PLPP4: variants seen among roughly 807,000 people sequenced by gnomAD.
PLPP4 encodes diacylglycerol pyrophosphate like 2.
Under a neutral mutation model 32.2 loss-of-function variants are expected in PLPP4, and 20 were observed. That is an observed-to-expected ratio of 0.62 (90% CI 0.44 to 0.90). PLPP4 has a LOEUF of 0.90. Ranked by LOEUF, PLPP4 falls within the 40% of genes least tolerant of loss-of-function variation. The pLI, the probability that PLPP4 is intolerant of heterozygous loss-of-function variation, is 0.00. For synonymous variants in PLPP4, 127 were observed against 133.0 expected (o/e 0.95, Z 0.31); for missense variants, 257 against 353.1 (o/e 0.73, Z 2.18).
chr10:120,517,627 C>T (rs1484863495), intron 3 of PLPP4, among the ~76,000 whole-genome samples: 1 of 152,206 alleles, frequency 6.6e-6, no homozygotes, highest in African/African-American at 2.4e-5. Flanking sequence ...TGGCCAGTTG[C>T]CCCCATCTCA....
At chr10:120,457,067 G>A (rs908510396), upstream of PLPP4, 2 of 197,854 alleles carry the variant, frequency 1.0e-5, no homozygotes, top group Non-Finnish European at 2.0e-5. Context: ...GCACTAGGAG[G>A]CGGGGTCCGC....
At chr10:120,529,691 T>C (rs1437165904) in intron 5 of PLPP4, among the ~76,000 whole-genome samples, 6 of 152,140 alleles carry the variant, frequency 3.9e-5, no homozygotes, top group Non-Finnish European at 8.8e-5. Flanking sequence ...TAGAAAATAT[T>C]TTTTTGGTAT....
intron 5 of PLPP4, among the ~76,000 whole-genome samples, chr10:120,527,489 C>T (rs1021383067): frequency 1.3e-5 from 2 of 152,160 alleles, no homozygotes; most frequent in African/African-American, 4.8e-5. Context: ...TGCAAACGTT[C>T]CTCACTGCTA....
intron 2 of PLPP4, among the ~76,000 whole-genome samples, chr10:120,505,086 A>AT (rs1763008479): frequency 6.6e-6 from 1 of 152,266 alleles, no homozygotes; most frequent in Admixed American, 6.5e-5. Flanking sequence ...TGGTGGTCTA[A>AT]TTTAATTCCA....
At chr10:120,553,620 G>C (rs1016447638) in intron 5 of PLPP4, among the ~76,000 whole-genome samples, 3 of 152,226 alleles carry the variant, frequency 2.0e-5, no homozygotes, top group Non-Finnish European at 4.4e-5. Flanking sequence ...TGATGGCAAA[G>C]TACATATCTT....
chr10:120,570,465 C>T (rs975508940), intron 5 of PLPP4, among the ~76,000 whole-genome samples: 6 of 152,098 alleles, frequency 3.9e-5, no homozygotes, highest in Admixed American at 1.3e-4. Context: ...AAATTATCAG[C>T]TTGTGTGGAA....
chr10:120,480,605 G>A (rs560477069), intron 1 of PLPP4, among the ~76,000 whole-genome samples: 3 of 152,362 alleles, frequency 2.0e-5, no homozygotes, highest in South Asian at 4.1e-4. Context: ...AGAGCTGGCA[G>A]CAGCCACCAA....
In PLPP4 at chr10:120,589,590, A is replaced by ATT. The variant is rs1407983602; in HGVS notation, c.*92_*93dup. ...CAATAGAAATGGTTTTCTGTAGTGT[A>ATT]TTTTTCATCAGTTGTTTCTCAAAGT... On this transcript the variant is annotated 3_prime_UTR_variant, in exon 7 of 7. Coordinates refer to ENST00000398250, the MANE Select transcript of PLPP4 (RefSeq NM_001030059.3). The ATT allele has an allele frequency of 3.9e-6, 4 of 1,019,920 alleles. No individual in the cohort carries two copies. The highest frequency in any genetic ancestry group is 5.7e-6 in the Non-Finnish European group (4 of 701,470). The allele number at this position is 1,019,920 out of a possible 1,614,324, so 63.2% of individuals were successfully genotyped here. A position where few individuals can be genotyped will look rare whatever the true frequency, so the allele number is the denominator to read the frequency against.
At chr10:120,499,839 C>G (rs1429647432) in intron 1 of PLPP4, among the ~76,000 whole-genome samples, 1 of 151,706 alleles carries the variant, frequency 6.6e-6, no homozygotes, top group East Asian at 1.9e-4. Flanking sequence ...TTCTTGGATT[C>G]CAAACCACTT....
intron 2 of PLPP4, among the ~76,000 whole-genome samples, chr10:120,512,482 CA>C (rs1222882735): frequency 2.3e-4 from 35 of 152,294 alleles, no homozygotes; most frequent in African/African-American, 8.4e-4. Flanking sequence ...ATGTCTCATA[CA>C]AATGGCCTCT....
At chr10:120,518,953 A>C in intron 4 of PLPP4, 57 bp downstream of exon 4, 1 of 1,440,910 alleles carries the variant, frequency 6.9e-7, no homozygotes, top group Non-Finnish European at 9.7e-7. Flanking sequence ...TCTATATAGG[A>C]AGCTGGGCCA....
In PLPP4 at chr10:120,535,089, C is replaced by T. The variant is rs79652143; in HGVS notation, c.445+13994C>T. ...GAAATTCTCAGTACTAGTCACCTTG[C>T]ATTCTAAAGCTTATTATTGTCATTT... On this transcript the variant is annotated intron_variant, in intron 5 of 6. Transcript: ENST00000398250. Among the ~76,000 whole-genome samples the T allele has an allele frequency of 8.5e-3, 1,300 of 152,216 alleles. 23 individuals carry two copies. Among genetic ancestry groups the T allele is most frequent in the African/African-American group, 0.03 (1,249 of 41,544 alleles).
intron 5 of PLPP4, among the ~76,000 whole-genome samples, chr10:120,528,458 G>A (rs1846533057): frequency 6.6e-6 from 1 of 152,194 alleles, no homozygotes; most frequent in Non-Finnish European, 1.5e-5. Flanking sequence ...TGGTGGCCAT[G>A]TGTCTGAGGT....
chr10:120,563,102 G>A (rs1389713565), intron 5 of PLPP4, among the ~76,000 whole-genome samples: 1 of 152,180 alleles, frequency 6.6e-6, no homozygotes, highest in East Asian at 1.9e-4. Context: ...AGCCAGGCAT[G>A]TTGGCAGATA....
rs1367791951 is a variant in PLPP4 at position 120,503,752 on chromosome 10, C to G, written c.57-66C>G. On this transcript the variant is annotated intron_variant, in intron 1 of 6. Coordinates refer to ENST00000398250, the MANE Select transcript of PLPP4 (RefSeq NM_001030059.3). ...CCCTGAGGGTGCATAGAAGGGGGGC[C>G]TCCTTGGGAACTTCCCACAGCAACA... is the stretch of plus-strand genomic sequence containing the variant. 5 of 1,589,142 alleles carry G rather than the reference C, an allele frequency of 3.1e-6. No homozygotes were observed. The East Asian group carries it at 9.0e-5, about 29-fold the overall frequency.
At chr10:120,528,028 G>A (rs926238009) in intron 5 of PLPP4, among the ~76,000 whole-genome samples, 4 of 147,882 alleles carry the variant, frequency 2.7e-5, no homozygotes, top group Non-Finnish European at 4.5e-5. Context: ...CTGTCAAGGG[G>A]TTTTGCTGGT....
chr10:120,495,512 C>T (rs1844919757), intron 1 of PLPP4, among the ~76,000 whole-genome samples: 1 of 152,126 alleles, frequency 6.6e-6, no homozygotes, highest in South Asian at 2.1e-4. Context: ...GAGCTTTTCC[C>T]CATTGCCCGA....
intron 5 of PLPP4, among the ~76,000 whole-genome samples, chr10:120,554,664 A>G (rs1371056803): frequency 7.0e-4 from 1 of 1,436 alleles, no homozygotes; most frequent in Non-Finnish European, 0.038. Flanking sequence ...TACAGGGAGC[A>G]TGACGGGGAG....
At chr10:120,493,191 G>T (rs1484536941) in intron 1 of PLPP4, among the ~76,000 whole-genome samples, 1 of 152,118 alleles carries the variant, frequency 6.6e-6, no homozygotes, top group Non-Finnish European at 1.5e-5. Context: ...TTTCATTTTT[G>T]ATTGTTTTGT....
Sources: gnomAD v4.1 joint callset for allele counts (sites outside exome capture counted in the v4.1 genomes callset) on GRCh38, gnomAD v4.1.1 for gene constraint, MANE v1.5 for transcripts, NCBI Gene and HGNC (gene_info 2026-07-23, HGNC 2026-07-21) for gene names.